Variants in SLIT2 observed in about 807,000 individuals in gnomAD.
SLIT2 encodes slit guidance ligand 2, also known as slit homolog 2 protein.
SLIT2 carries 41 observed loss-of-function variants against 185.7 expected under a neutral mutation model. The observed-to-expected ratio is 0.22, with a 90% CI of 0.17 to 0.29. The LOEUF (loss-of-function observed/expected upper bound fraction) is 0.29. Ranked by LOEUF, SLIT2 falls within the 10% of genes least tolerant of loss-of-function variation. The pLI is 1.00. For missense variants in SLIT2, 1,571 were observed against 1,909.0 expected, an observed-to-expected ratio of 0.82 and a Z score of 3.30; for synonymous variants, 693 against 680.2, an observed-to-expected ratio of 1.02 and a Z score of -0.29.
At chr4:20,393,179 A>G (rs1038739971) in intron 4 of SLIT2, among the ~76,000 whole-genome samples, 7 of 152,054 alleles carry the variant, frequency 4.6e-5, no homozygotes, top group African/African-American at 1.7e-4. Context: ...GCGATCCATT[A>G]TTGACTGAGA....
At chr4:20,365,770 A>T (rs1470892876) in intron 4 of SLIT2, among the ~76,000 whole-genome samples, 1 of 152,062 alleles carries the variant, frequency 6.6e-6, no homozygotes, top group Non-Finnish European at 1.5e-5. Context: ...CTTTTCTCTT[A>T]TCCTTTATGT....
chr4:20,377,282 T>A (rs1724101036), intron 4 of SLIT2, among the ~76,000 whole-genome samples: 1 of 152,140 alleles, frequency 6.6e-6, no homozygotes, highest in Admixed American at 6.6e-5. Flanking sequence ...TGTATTATAT[T>A]CTCTCAGGTA....
rs538005271 is a variant in SLIT2 at position 20,472,358 on chromosome 4, C to A, written c.467+4535C>A. 1.7e-3 allele frequency among the ~76,000 whole-genome samples: 24 copies of A among 14,098 alleles called. 2 individuals carry two copies. Among genetic ancestry groups the A allele is most frequent in the East Asian group, 0.01 (2 of 194 alleles). The allele number at this position is 14,098 out of a possible 152,430, so 9.2% of individuals were successfully genotyped here. ...TAGATCTATATATAGATATAGATAT[C>A]TATATAGATATCTATATCTATATAT... is the stretch of plus-strand genomic sequence containing the variant. On this transcript the variant is annotated intron_variant, in intron 5 of 36. Coordinates refer to ENST00000504154, the MANE Select transcript of SLIT2 (RefSeq NM_004787.4).
chr4:20,451,478 CA>C (rs1309185924), intron 4 of SLIT2, among the ~76,000 whole-genome samples: 3 of 152,038 alleles, frequency 2.0e-5, no homozygotes. Flanking sequence ...AAAAAATTTC[CA>C]ACCCTTATAA....
chr4:20,377,615 A>G (rs114391159), intron 4 of SLIT2, among the ~76,000 whole-genome samples: 2,140 of 152,226 alleles, frequency 0.014, 23 homozygotes, highest in Non-Finnish European at 0.024. Context: ...CTGGGCTTCT[A>G]TATCCTCCCA....
chr4:20,522,363 G>C (rs1053744509), intron 12 of SLIT2, among the ~76,000 whole-genome samples: 1 of 152,164 alleles, frequency 6.6e-6, no homozygotes, highest in African/African-American at 2.4e-5. Context: ...GACCAGTGGT[G>C]CCTGTTAGGG....
chr4:20,269,799 C>T (rs973273493), intron 4 of SLIT2, among the ~76,000 whole-genome samples: 1 of 151,786 alleles, frequency 6.6e-6, no homozygotes, highest in South Asian at 2.1e-4. Context: ...TCTTTGTAGC[C>T]TACTAGTTCA....
intron 5 of SLIT2, among the ~76,000 whole-genome samples, chr4:20,475,003 T>A (rs188454820): frequency 2.0e-5 from 3 of 151,854 alleles, no homozygotes; most frequent in Admixed American, 2.0e-4. Flanking sequence ...ACAGTATCTG[T>A]AGGAATTACA....
chr4:20,420,833 G>T (rs977292432), intron 4 of SLIT2, among the ~76,000 whole-genome samples: 1 of 152,094 alleles, frequency 6.6e-6, no homozygotes, highest in Non-Finnish European at 1.5e-5. Flanking sequence ...CTTTATAAGA[G>T]GAGACACCAG....
intron 5 of SLIT2, among the ~76,000 whole-genome samples, chr4:20,469,309 C>G (rs1036350767): frequency 2.0e-5 from 3 of 152,058 alleles, no homozygotes; most frequent in African/African-American, 7.2e-5. Flanking sequence ...GTAGTATTAC[C>G]TCTAATTCCT....
chr4:20,482,547 T>A (rs1716811459), intron 6 of SLIT2, among the ~76,000 whole-genome samples: 1 of 151,938 alleles, frequency 6.6e-6, no homozygotes. Flanking sequence ...ATTTTGATCG[T>A]CATGATTAAT....
chr4:20,388,181 A>G (rs1440902899), intron 4 of SLIT2, among the ~76,000 whole-genome samples: 2 of 152,194 alleles, frequency 1.3e-5, no homozygotes, highest in African/African-American at 4.8e-5. Flanking sequence ...TCAAAAGCAC[A>G]GTTCTAAAAA....
In SLIT2 at chr4:20,254,917, G is replaced by C. The variant is rs749019392; in HGVS notation, c.179+923G>C. On this transcript the variant is annotated intron_variant, in intron 1 of 36. Transcript: ENST00000504154. This position sits in a 1 kb window ranked among gnomAD's most constrained non-coding sequence, Gnocchi z 5.1. ...TGCTCGCAGACGTCCCCGCCTCCCTGTCTTTGCGAGTCTCTAATGAAGAAG... is the reference window on the plus strand; with the variant it reads ...TGCTCGCAGACGTCCCCGCCTCCCTCTCTTTGCGAGTCTCTAATGAAGAAG... 7 of 456,152 alleles carry C rather than the reference G, an allele frequency of 1.5e-5. No homozygotes were observed. Among genetic ancestry groups the C allele is most frequent in the Non-Finnish European group, 3.1e-5 (7 of 226,974 alleles). The allele number at this position is 456,152 out of a possible 1,614,324, so 28.3% of individuals were successfully genotyped here.
intron 4 of SLIT2, among the ~76,000 whole-genome samples, chr4:20,460,847 T>G (rs1022727447): frequency 1.3e-5 from 2 of 152,152 alleles, no homozygotes; most frequent in Non-Finnish European, 2.9e-5. Flanking sequence ...TTACAGAATT[T>G]TACTAAATAA....
chr4:20,598,073 T>C (rs986633805), intron 32 of SLIT2, among the ~76,000 whole-genome samples, 192 bp from the exon 33 acceptor site: 1 of 152,242 alleles, frequency 6.6e-6, no homozygotes, highest in Admixed American at 6.5e-5. Flanking sequence ...AGTTTCTTCA[T>C]GGATTTATTT....
chr4:20,274,956 C>T (rs943973149), intron 4 of SLIT2, among the ~76,000 whole-genome samples: 1 of 151,906 alleles, frequency 6.6e-6, no homozygotes, highest in Non-Finnish European at 1.5e-5. Context: ...ACCTATACTG[C>T]GTGAATTAAT....
At chr4:20,287,235 T>C (rs1332742306) in intron 4 of SLIT2, among the ~76,000 whole-genome samples, 1 of 152,170 alleles carries the variant, frequency 6.6e-6, no homozygotes, top group Non-Finnish European at 1.5e-5. Context: ...TAAACGTGTA[T>C]TCACTGCCCA....
Position 20,589,670 on chromosome 4 carries a change from T to A in SLIT2, c.3115T>A (p.Phe1039Ile), listed in dbSNP as rs773392047. 6.2e-7 allele frequency: 1 copy of A among 1,614,008 alleles called. No homozygotes were observed. The highest frequency in any genetic ancestry group is 8.5e-7 in the Non-Finnish European group (1 of 1,179,958). The change falls in exon 30 of 37, where the codon TTC becomes ATC. Residue 1039 changes from phenylalanine to isoleucine, a missense_variant. This residue lies in a region of SLIT2 where 1,202 missense variants were observed against 1,416.4 expected (regional missense o/e 0.85). Coordinates refer to ENST00000504154, the MANE Select transcript of SLIT2 (RefSeq NM_004787.4). ...TGELCEEKLD[F>I]CAQDLNPCQH... is the part of the protein sequence containing the mutation. ...TGAGTTGTGTGAGGAGAAGCTGGAC[T>A]TCTGTGCCCAGGACCTGAACCCCTG...
At chr4:20,520,144 C>T (rs1000229991) in intron 12 of SLIT2, among the ~76,000 whole-genome samples, 2 of 151,462 alleles carry the variant, frequency 1.3e-5, no homozygotes, top group Non-Finnish European at 2.9e-5. Flanking sequence ...GGATGGTGTG[C>T]GGTGAGCTGT....
Sources: gnomAD v4.1 joint callset for allele counts (sites outside exome capture counted in the v4.1 genomes callset) on GRCh38, gnomAD v4.1.1 for gene constraint, gnomAD v4.1.1 regional missense constraint, Gnocchi (gnomAD v3.1) non-coding constraint, MANE v1.5 for transcripts, NCBI Gene and HGNC (gene_info 2026-07-23, HGNC 2026-07-21) for gene names.